FGL1: variants seen among roughly 807,000 people sequenced by gnomAD.
FGL1 encodes fibrinogen like 1.
FGL1 carries 59 observed loss-of-function variants against 43.7 expected under a neutral mutation model. The observed-to-expected ratio is 1.35, with a 90% CI of 1.10 to 1.68. The LOEUF is 1.68. Among genes scored for constraint, FGL1 ranks in the 40% most tolerant of loss-of-function variants. The pLI is 0.00. For missense variants in FGL1, 596 were observed against 373.0 expected, an observed-to-expected ratio of 1.60 and a Z score of -4.92; for synonymous variants, 192 against 126.5, an observed-to-expected ratio of 1.52 and a Z score of -3.48.
chr8:17,869,333 C>T (rs1396119646), intron 5 of FGL1, among the ~76,000 whole-genome samples: 2 of 152,100 alleles, frequency 1.3e-5, no homozygotes, highest in South Asian at 2.1e-4. Context: ...AAAGGGTCGA[C>T]GTTTTACCTT....
intron 5 of FGL1, among the ~76,000 whole-genome samples, chr8:17,873,643 T>A (rs1297875789): frequency 6.6e-6 from 1 of 151,424 alleles, no homozygotes; most frequent in African/African-American, 2.4e-5. Flanking sequence ...ACATTATATA[T>A]CCTTTTCAGA....
chr8:17,889,221 C>T (rs2053670971), intron 1 of FGL1, among the ~76,000 whole-genome samples: 1 of 152,152 alleles, frequency 6.6e-6, no homozygotes, highest in Non-Finnish European at 1.5e-5. Flanking sequence ...CATCTGAAAC[C>T]ATATTGTGTT....
chr8:17,864,437 C>G lies in FGL1; in HGVS notation c.*155G>C. ...TGGTGAATATTGCATATCTGCTGTACTGAAAGCACATTAAGTAACAAAGGC... is the reference window on the plus strand; with the variant it reads ...TGGTGAATATTGCATATCTGCTGTAGTGAAAGCACATTAAGTAACAAAGGC... On this transcript the variant is annotated 3_prime_UTR_variant, in exon 8 of 8. Coordinates refer to ENST00000427924, the MANE Select transcript of FGL1 (RefSeq NM_004467.4). The G allele has an allele frequency of 4.1e-6, 3 of 723,664 alleles. No homozygotes were observed. The highest frequency in any genetic ancestry group is 6.6e-6 in the Non-Finnish European group (3 of 457,940). 44.8% of individuals were successfully genotyped at this position (723,664 alleles called of 1,614,324 possible). A position where few individuals can be genotyped will look rare whatever the true frequency, so the allele number is the denominator to read the frequency against.
chr8:17,875,697 C>T (rs533125033), intron 3 of FGL1, among the ~76,000 whole-genome samples: 5 of 151,758 alleles, frequency 3.3e-5, no homozygotes, highest in Non-Finnish European at 7.4e-5. Flanking sequence ...CTCCGCCTCC[C>T]GGGTTCAAGC....
intron 7 of FGL1, among the ~76,000 whole-genome samples, chr8:17,867,198 C>A (rs1454314706): frequency 1.3e-5 from 2 of 152,108 alleles, no homozygotes; most frequent in African/African-American, 4.8e-5. Flanking sequence ...ATACCAAATT[C>A]TATATATTGA....
At chr8:17,886,664 A>G (rs2053632814) in intron 1 of FGL1, among the ~76,000 whole-genome samples, 1 of 152,146 alleles carries the variant, frequency 6.6e-6, no homozygotes, top group Non-Finnish European at 1.5e-5. Context: ...AGGCTGAGGC[A>G]GGAGAATTGC....
rs1357463376 is a variant in FGL1 at position 17,884,661 on chromosome 8, G to A, written c.63+831C>T. Among the ~76,000 whole-genome samples, 23 of 152,126 alleles carry A rather than the reference G, an allele frequency of 1.5e-4. 1 individual carries two copies. The highest frequency in any genetic ancestry group is 7.3e-5 in the Non-Finnish European group (5 of 68,028). On this transcript the variant is annotated intron_variant, in intron 2 of 7. Transcript: ENST00000427924. ...CCTGAGTTGTTTTACAACAGTGGGG[G>A]ATCGGTTGTGATATTGTTAAACATA...
intron 1 of FGL1, chr8:17,895,120 A>T (rs2053756285): frequency 4.3e-6 from 1 of 230,026 alleles, no homozygotes. Flanking sequence ...AATTATACAT[A>T]TTTAGAAAGT....
At position 17,864,718 on chromosome 8, in the gene FGL1, G is replaced by C. The variant is rs775987212; in HGVS notation, c.813C>G (p.Tyr271Ter). The C allele has an allele frequency of 4.3e-6, 7 of 1,610,228 alleles. No individual in the cohort carries two copies. Among genetic ancestry groups the C allele is most frequent in the Non-Finnish European group, 5.1e-6 (6 of 1,178,916 alleles). Residue 271 changes from tyrosine to a stop codon, truncating the protein, a stop_gained, in exon 8 of 8, where the codon TAC becomes TAG. Transcript: ENST00000427924. LOFTEE classifies it high-confidence loss of function. ...CHSANLNGVYYSGPYTAKTDN... is the reference protein window; with the variant it reads ...CHSANLNGVY ...CTGTTTTAGCCGTGTAGGGGCCGCT[G>C]TAGTATACACCATTCAGGTTTGCAG... is the stretch of plus-strand genomic sequence containing the variant.
At chr8:17,890,327 C>T (rs552093209) in intron 1 of FGL1, among the ~76,000 whole-genome samples, 56 of 152,310 alleles carry the variant, frequency 3.7e-4, no homozygotes, top group Admixed American at 6.5e-4. Flanking sequence ...GGTCATTCAC[C>T]GACAAAGCTT....
At chr8:17,878,215 G>C (rs1039395538) in intron 3 of FGL1, among the ~76,000 whole-genome samples, 1 of 152,088 alleles carries the variant, frequency 6.6e-6, no homozygotes, top group Admixed American at 6.5e-5. Context: ...GCCTCTCAAA[G>C]TGCAGGGATT....
At chr8:17,883,989 C>G (rs2053590597) in intron 2 of FGL1, among the ~76,000 whole-genome samples, 1 of 149,818 alleles carries the variant, frequency 6.7e-6, no homozygotes, top group South Asian at 2.2e-4. Flanking sequence ...ATCCCTAGGT[C>G]CAAGTCACAG....
Position 17,864,761 on chromosome 8 carries a change from G to C in FGL1, c.780-10C>G. ...GTTTGCAGAGTGACACCTAGTGGAA[G>C]GGAGAAAAAAAAAGAAAACAACAAT... On this transcript the variant is annotated splice_polypyrimidine_tract_variant and intron_variant, in intron 7 of 7. Transcript: ENST00000427924. 1 of 1,435,116 alleles carries C rather than the reference G, an allele frequency of 7.0e-7. No individual in the cohort carries two copies. The highest frequency in any genetic ancestry group is 9.2e-7 in the Non-Finnish European group (1 of 1,087,980). The allele number at this position is 1,435,116 out of a possible 1,614,324, so 88.9% of individuals were successfully genotyped here.
Position 17,874,388 on chromosome 8 carries a change from T to C in FGL1, c.378A>G (p.Arg126=), listed in dbSNP as rs760490854. 5.0e-6 allele frequency: 8 copies of C among 1,613,804 alleles called. No individual in the cohort carries two copies. Among genetic ancestry groups the C allele is most frequent in the African/African-American group, 4.0e-5 (3 of 74,930 alleles). Residue 126 remains arginine, a synonymous_variant, in exon 4 of 8, where the codon CGA becomes CGG. Coordinates refer to ENST00000427924, the MANE Select transcript of FGL1 (RefSeq NM_004467.4). ...DGGGWTVIQR[R]SDGSENFNRG... Reference sequence around the variant, plus strand: ...TGTTAAAGTTTTCACTGCCATCAGATCGTCTCTGAATTACAGTCCATCCTC... The same window carrying C: ...TGTTAAAGTTTTCACTGCCATCAGACCGTCTCTGAATTACAGTCCATCCTC...
Position 17,867,967 on chromosome 8 carries a change from A to C in FGL1, c.779+581T>G, listed in dbSNP as rs988930277. 2.0e-5 allele frequency among the ~76,000 whole-genome samples: 3 copies of C among 152,342 alleles called. No individual in the cohort carries two copies. In the South Asian group the frequency reaches 6.2e-4, roughly 32 times the overall value. On this transcript the variant is annotated intron_variant, in intron 7 of 7. Coordinates refer to ENST00000427924, the MANE Select transcript of FGL1 (RefSeq NM_004467.4). ...TATATAAAATATTTTGTATCAGTAA[A>C]AAAAGAAGCAACTATATACAATCAA...
At chr8:17,885,025 A>T (rs1438514286) in intron 2 of FGL1, among the ~76,000 whole-genome samples, 1 of 151,394 alleles carries the variant, frequency 6.6e-6, no homozygotes, top group Admixed American at 6.6e-5. Context: ...AATACTTTTT[A>T]TTTAAAAAAA....
rs1282987430 is a variant in FGL1, at chr8:17,868,733, ATTCT to A, written c.592-2_593del. ...ATTCCCCAATATTCAACTCGTAGAAATTCTAAAGAAAAAGGGCATTTCTGCTGTC... is the reference window on the plus strand; with the variant it reads ...ATTCCCCAATATTCAACTCGTAGAAAAAAGAAAAAGGGCATTTCTGCTGTC... On this transcript the variant is annotated splice_acceptor_variant and coding_sequence_variant, in exon 7 of 8. Coordinates refer to ENST00000427924, the MANE Select transcript of FGL1 (RefSeq NM_004467.4). LOFTEE classifies it high-confidence loss of function. The A allele has an allele frequency of 1.2e-6, 2 of 1,608,264 alleles. No homozygotes were observed. Among genetic ancestry groups the A allele is most frequent in the African/African-American group, 1.3e-5 (1 of 74,786 alleles).
chr8:17,877,569 G>A (rs1436298637), intron 3 of FGL1, among the ~76,000 whole-genome samples: 1 of 150,634 alleles, frequency 6.6e-6, no homozygotes, highest in Non-Finnish European at 1.5e-5. Flanking sequence ...GGATATGCGA[G>A]AACTGGCCCT....
In FGL1 at chr8:17,874,352, A is replaced by G. The variant is rs750635580; in HGVS notation, c.404+10T>C. ...GCTACATATAAAGTCTTACATCATA[A>G]TTAGCACACCTGTTAAAGTTTTCAC... On this transcript the variant is annotated intron_variant, in intron 4 of 7. Transcript: ENST00000427924. 4.3e-6 allele frequency: 7 copies of G among 1,609,744 alleles called. No individual in the cohort carries two copies. The Admixed American group carries it at 6.8e-5, about 16-fold the overall frequency.
Sources: allele counts gnomAD v4.1 joint callset (sites outside exome capture counted in the v4.1 genomes callset), GRCh38; gene constraint gnomAD v4.1.1; transcripts MANE v1.5; gene names NCBI Gene and HGNC (gene_info 2026-07-23, HGNC 2026-07-21).